Variants in UBE2O observed in about 807,000 individuals in gnomAD.
UBE2O encodes (E3-independent) E2 ubiquitin-conjugating enzyme.
UBE2O carries 15 observed loss-of-function variants against 125.8 expected under a neutral mutation model. That is an observed-to-expected ratio of 0.12 (90% CI 0.08 to 0.18). UBE2O has a LOEUF of 0.18. Among genes scored for constraint, UBE2O ranks in the 10% least tolerant of loss-of-function variants. The pLI is 1.00. For missense variants in UBE2O, 1,280 were observed against 1,723.6 expected (o/e 0.74, Z 4.56); for synonymous variants, 708 against 703.2 (o/e 1.01, Z -0.11).
intron 1 of UBE2O, among the ~76,000 whole-genome samples, chr17:76,419,762 A>G (rs1303843259): frequency 6.6e-6 from 1 of 152,218 alleles, no homozygotes; most frequent in African/African-American, 2.4e-5. Context: ...CACCTTGAAG[A>G]CTTCCAGGCA....
chr17:76,435,802 C>T (rs1306884623), intron 1 of UBE2O, among the ~76,000 whole-genome samples: 8 of 152,136 alleles, frequency 5.3e-5, no homozygotes, highest in Admixed American at 1.3e-4. Flanking sequence ...GCTGAAGGCA[C>T]GACAGACCAG....
chr17:76,415,124 G>A (rs1338854147), intron 1 of UBE2O, among the ~76,000 whole-genome samples: 1 of 152,190 alleles, frequency 6.6e-6, no homozygotes, highest in African/African-American at 2.4e-5. Flanking sequence ...GGGCATCCCT[G>A]AGAACAAGAA....
chr17:76,419,901 A>G (rs1255888632), intron 1 of UBE2O, among the ~76,000 whole-genome samples: 1 of 152,244 alleles, frequency 6.6e-6, no homozygotes, highest in African/African-American at 2.4e-5. Context: ...TGCCGGCAGA[A>G]GGAGGCATGC....
At chr17:76,420,048 T>C (rs1462723624) in intron 1 of UBE2O, among the ~76,000 whole-genome samples, 2 of 152,174 alleles carry the variant, frequency 1.3e-5, no homozygotes, top group Admixed American at 1.3e-4. Flanking sequence ...GCCTCACTCC[T>C]GCCACAGCTC....
At position 76,391,203 on chromosome 17, in the gene UBE2O, C is replaced by T. The variant is rs3803739; in HGVS notation, c.3619G>A (p.Gly1207Ser). The T allele has an allele frequency of 0.57, 914,552 of 1,612,614 alleles. 268,454 individuals carry two copies. Among genetic ancestry groups the T allele is most frequent in the Non-Finnish European group, 0.6 (711,075 of 1,179,042 alleles). ...QGSDSEGGAQGLASASRDHTD... is the reference protein window; with the variant it reads ...QGSDSEGGAQSLASASRDHTD... ...TGGTCCCTGCTAGCTGAGGCCAGGCCCTGGGCACCGCCCTCTGAGTCTGAG... is the reference window on the plus strand; with the variant it reads ...TGGTCCCTGCTAGCTGAGGCCAGGCTCTGGGCACCGCCCTCTGAGTCTGAG... The change falls in exon 18 of 18, where the codon GGC becomes AGC. Residue 1207 changes from glycine to serine, a missense_variant. Physicochemically the swap from Gly to Ser is moderately conservative, Grantham distance 56. This residue lies in a region of UBE2O where 233 missense variants were observed against 279.0 expected (regional missense o/e 0.84). Transcript: ENST00000319380. This position sits in a 1 kb window ranked among gnomAD's most constrained non-coding sequence, Gnocchi z 8.4.
chr17:76,419,105 G>A (rs1015945570), intron 1 of UBE2O, among the ~76,000 whole-genome samples: 9 of 145,824 alleles, frequency 6.2e-5, no homozygotes, highest in African/African-American at 2.3e-4. Flanking sequence ...GCAACCTAGT[G>A]AGACCCTATC....
chr17:76,399,805 C>T lies in UBE2O; in HGVS notation c.1272G>A (p.Lys424=). ...CAGGGCTGGCAGACTCCGCTTCGCT[C>T]TTGGTTTTGGATTCCCCCTTCTTGT... ...DPDKKGESKT[K]SEAESASPEE... The change falls in exon 9 of 18, where the codon AAG becomes AAA. Residue 424 remains lysine, a synonymous_variant. Transcript: ENST00000319380. The surrounding 1 kb of genome is among the most constrained non-coding windows in gnomAD (Gnocchi z 6.9). 1 of 1,614,222 alleles carries T rather than the reference C, an allele frequency of 6.2e-7. No homozygotes were observed.
At chr17:76,431,712 G>A (rs752654700) in intron 1 of UBE2O, among the ~76,000 whole-genome samples, 11 of 152,078 alleles carry the variant, frequency 7.2e-5, no homozygotes, top group East Asian at 1.9e-4. Context: ...GAAGCCCAGC[G>A]GGGGGGACTG....
chr17:76,395,898 G>A lies in UBE2O; in HGVS notation c.2810-37C>T, dbSNP rs774246717. 4 of 1,611,852 alleles carry A rather than the reference G, an allele frequency of 2.5e-6. No homozygotes were observed. The highest frequency in any genetic ancestry group is 1.1e-5 in the South Asian group (1 of 91,040). Reference sequence around the variant, plus strand: ...AAGAGAATAGTCAGTCCCTCATGGAGAGGCCCTGGAGCTCCATCTGCCAAC... The same window carrying A: ...AAGAGAATAGTCAGTCCCTCATGGAAAGGCCCTGGAGCTCCATCTGCCAAC... On this transcript the variant is annotated intron_variant, in intron 14 of 17. Coordinates refer to ENST00000319380, the MANE Select transcript of UBE2O (RefSeq NM_022066.4). This position sits in a 1 kb window ranked among gnomAD's most constrained non-coding sequence, Gnocchi z 5.0.
intron 1 of UBE2O, among the ~76,000 whole-genome samples, chr17:76,418,888 T>C (rs1016019042): frequency 3.3e-5 from 5 of 152,136 alleles, no homozygotes; most frequent in Non-Finnish European, 5.9e-5. Flanking sequence ...TTTAAGGCAG[T>C]TGTTTATCAG....
intron 1 of UBE2O, among the ~76,000 whole-genome samples, chr17:76,424,808 A>G (rs928319882): frequency 1.4e-5 from 2 of 147,178 alleles, no homozygotes; most frequent in African/African-American, 5.0e-5. Context: ...ACAGAGCAAG[A>G]CTCCATCCAC....
intron 3 of UBE2O, among the ~76,000 whole-genome samples, chr17:76,403,905 C>T (rs991017808): frequency 5.3e-5 from 8 of 152,146 alleles, no homozygotes; most frequent in African/African-American, 1.9e-4. Flanking sequence ...GGGGTTCCCA[C>T]TGGCTAAATC....
intron 1 of UBE2O, among the ~76,000 whole-genome samples, chr17:76,434,018 C>T (rs1476877828): frequency 6.6e-6 from 1 of 152,160 alleles, no homozygotes; most frequent in African/African-American, 2.4e-5. Flanking sequence ...AAAAACGAGC[C>T]CTCCTAACAT....
Position 76,396,448 on chromosome 17 carries a change from T to G in UBE2O, c.2489A>C (p.Glu830Ala), listed in dbSNP as rs1445761793. Residue 830 changes from glutamate (E) to alanine (A), a missense_variant, in exon 14 of 18, where the codon GAG becomes GCG. Glu to Ala is a moderately radical substitution (Grantham distance 107). Around this residue, in one of 10 missense-constraint regions of UBE2O, gnomAD observed 210 missense variants for 268.9 expected, o/e 0.78. Transcript: ENST00000319380. This position sits in a 1 kb window ranked among gnomAD's most constrained non-coding sequence, Gnocchi z 6.7. The stretch of plus-strand genomic sequence containing the variant: ...GGTGGGCGAGCCCGTCAGCAGCTGC[T>G]CCACAGTCATGTTCTTGAGGCTCTC... ...ILESLKNMTV[E>A]QLLTGSPTSP... 1 of 1,614,152 alleles carries G rather than the reference T, an allele frequency of 6.2e-7. No homozygotes were observed.
Position 76,390,317 on chromosome 17 carries a change from C to T in UBE2O, c.*626G>A, listed in dbSNP as rs1411564258. 1 of 152,744 alleles carries T rather than the reference C, an allele frequency of 6.5e-6. No individual in the cohort carries two copies. The highest frequency in any genetic ancestry group is 1.5e-5 in the Non-Finnish European group (1 of 68,170). The allele number at this position is 152,744 out of a possible 1,614,324, so 9.5% of individuals were successfully genotyped here. ...CACCCGGAACCTAGCCTGGTCCCAACCTCTCTTAGAGAGCAAGTTCAACAG... is the reference window on the plus strand; with the variant it reads ...CACCCGGAACCTAGCCTGGTCCCAATCTCTCTTAGAGAGCAAGTTCAACAG... On this transcript the variant is annotated 3_prime_UTR_variant, in exon 18 of 18. Transcript: ENST00000319380.
intron 1 of UBE2O, among the ~76,000 whole-genome samples, chr17:76,428,274 T>C (rs2143834552): frequency 6.6e-6 from 1 of 152,300 alleles, no homozygotes. Context: ...CACAGGACAT[T>C]TTCCATTTAC....
chr17:76,408,496 A>T (rs2072461832), intron 1 of UBE2O, among the ~76,000 whole-genome samples: 2 of 152,214 alleles, frequency 1.3e-5, no homozygotes, highest in South Asian at 4.1e-4. Flanking sequence ...CCATTCTCTT[A>T]ACCAAATAAA....
At chr17:76,429,147 G>A (rs577111089) in intron 1 of UBE2O, among the ~76,000 whole-genome samples, 36 of 151,886 alleles carry the variant, frequency 2.4e-4, no homozygotes, top group Admixed American at 1.6e-3. Context: ...TGATCTGCCC[G>A]CCTCGGCCTC....
At chr17:76,444,370 G>C (rs2073122617) in intron 1 of UBE2O, among the ~76,000 whole-genome samples, 1 of 152,298 alleles carries the variant, frequency 6.6e-6, no homozygotes, top group African/African-American at 2.4e-5. Context: ...CCAATACCAT[G>C]GTGAGACCCT....
Sources: gnomAD v4.1 joint callset for allele counts (sites outside exome capture counted in the v4.1 genomes callset) on GRCh38, gnomAD v4.1.1 for gene constraint, gnomAD v4.1.1 regional missense constraint, Gnocchi (gnomAD v3.1) non-coding constraint, MANE v1.5 for transcripts, NCBI Gene and HGNC (gene_info 2026-07-23, HGNC 2026-07-21) for gene names.